Variants in FSTL5 observed in about 807,000 individuals in gnomAD.
The protein encoded by FSTL5 is follistatin-related protein 5.
Under a neutral mutation model 89.1 loss-of-function variants are expected in FSTL5, and 62 were observed. That is an observed-to-expected ratio of 0.70 (90% confidence interval 0.57 to 0.86). The LOEUF is 0.86. Among genes scored for constraint, FSTL5 ranks in the 40% least tolerant of loss-of-function variants. FSTL5 has a pLI of 0.00. For missense variants in FSTL5, 1,057 were observed against 1,001.6 expected (o/e 1.06, Z -0.75); for synonymous variants, 383 against 346.2 (o/e 1.11, Z -1.18).
intron 8 of FSTL5, among the ~76,000 whole-genome samples, chr4:161,556,940 T>A (rs979511729): frequency 6.6e-6 from 1 of 151,134 alleles, no homozygotes; most frequent in African/African-American, 2.4e-5. Context: ...ACAATTTTTA[T>A]ATAAACTGAT....
intron 1 of FSTL5, among the ~76,000 whole-genome samples, chr4:162,120,481 A>G (rs1333649756): frequency 6.6e-6 from 1 of 152,112 alleles, no homozygotes; most frequent in Non-Finnish European, 1.5e-5. Context: ...AACACAAGAG[A>G]ACAGAACTGA....
chr4:161,987,119 T>C (rs1295524361), intron 3 of FSTL5, among the ~76,000 whole-genome samples: 1 of 152,164 alleles, frequency 6.6e-6, no homozygotes, highest in Non-Finnish European at 1.5e-5. Context: ...ATCTAACCCT[T>C]TCTCGACATC....
intron 6 of FSTL5, among the ~76,000 whole-genome samples, chr4:161,671,565 A>G (rs1240972489): frequency 6.6e-6 from 1 of 152,164 alleles, no homozygotes; most frequent in Non-Finnish European, 1.5e-5. Flanking sequence ...AGTTTTAAAA[A>G]TATGATCTGT....
intron 4 of FSTL5, among the ~76,000 whole-genome samples, chr4:161,835,674 A>T (rs1731015246): frequency 6.6e-6 from 1 of 152,174 alleles, no homozygotes; most frequent in African/African-American, 2.4e-5. Flanking sequence ...AAAAGAAGAC[A>T]TTTATGCAGC....
At chr4:162,125,154 A>G (rs1329039838) in intron 1 of FSTL5, among the ~76,000 whole-genome samples, 1 of 152,192 alleles carries the variant, frequency 6.6e-6, no homozygotes, top group Non-Finnish European at 1.5e-5. Context: ...ACAGCTTTCT[A>G]TCAATTTTGG....
chr4:161,455,682 T>C (rs1448815476), intron 14 of FSTL5, among the ~76,000 whole-genome samples: 1 of 152,180 alleles, frequency 6.6e-6, no homozygotes, highest in Non-Finnish European at 1.5e-5. Context: ...TTTTTTAAAC[T>C]TTTATAGTCC....
chr4:161,394,262 T>C (rs1730925210), intron 15 of FSTL5, among the ~76,000 whole-genome samples: 1 of 152,158 alleles, frequency 6.6e-6, no homozygotes, highest in Non-Finnish European at 1.5e-5. Flanking sequence ...TAATTATAGG[T>C]AAAATACCCA....
chr4:161,718,366 A>G (rs1240477746), intron 6 of FSTL5, among the ~76,000 whole-genome samples: 5 of 152,156 alleles, frequency 3.3e-5, no homozygotes, highest in Non-Finnish European at 7.4e-5. Context: ...TATATTATTC[A>G]TTAAATTGTT....
At chr4:161,585,205 T>C (rs1355950163) in intron 8 of FSTL5, among the ~76,000 whole-genome samples, 1 of 152,142 alleles carries the variant, frequency 6.6e-6, no homozygotes, top group Non-Finnish European at 1.5e-5. Flanking sequence ...GTCTCCTTCA[T>C]GGGTTTCCCA....
intron 10 of FSTL5, 59 bp downstream of exon 10, chr4:161,538,107 G>C: frequency 6.5e-7 from 1 of 1,537,882 alleles, no homozygotes; most frequent in South Asian, 1.2e-5. Flanking sequence ...TTTAAAAAAA[G>C]CTGTAAAAAA....
intron 6 of FSTL5, among the ~76,000 whole-genome samples, chr4:161,682,257 T>C (rs912323745): frequency 2.6e-5 from 4 of 152,188 alleles, no homozygotes; most frequent in Admixed American, 1.3e-4. Flanking sequence ...CATTCCTGTA[T>C]GCTACCATAG....
At chr4:162,143,128 T>C (rs1732813087) in intron 1 of FSTL5, among the ~76,000 whole-genome samples, 1 of 152,046 alleles carries the variant, frequency 6.6e-6, no homozygotes, top group Non-Finnish European at 1.5e-5. Flanking sequence ...TATCTGATTA[T>C]AGGTAACATT....
chr4:161,642,462 A>G (rs901079452), intron 7 of FSTL5, among the ~76,000 whole-genome samples: 9 of 152,222 alleles, frequency 5.9e-5, no homozygotes, highest in African/African-American at 1.4e-4. Context: ...CTTTAGAAAG[A>G]CACAAATACA....
Position 162,050,141 on chromosome 4 carries a change from A to C in FSTL5, c.127-16483T>G, listed in dbSNP as rs1176676616. Among the ~76,000 whole-genome samples the C allele has an allele frequency of 2.6e-5, 4 of 152,038 alleles. No individual in the cohort carries two copies. In the South Asian group the frequency reaches 6.2e-4, roughly 24 times the overall value. The stretch of plus-strand genomic sequence containing the variant: ...AGAAAAGAGTTAAATAAGTTGTAAA[A>C]TAAATTTTCCGCAAGTGAATACACA... On this transcript the variant is annotated intron_variant, in intron 2 of 15. Coordinates refer to ENST00000306100, the MANE Select transcript of FSTL5 (RefSeq NM_020116.5).
intron 8 of FSTL5, 119 bp downstream of exon 8, chr4:161,587,336 G>T (rs1325165756): frequency 5.1e-6 from 4 of 786,204 alleles, no homozygotes; most frequent in Non-Finnish European, 8.2e-6. Flanking sequence ...ATTATCAGTT[G>T]AGTCTCAAAA....
At chr4:162,143,645 T>A (rs1732837690) in intron 1 of FSTL5, among the ~76,000 whole-genome samples, 1 of 151,896 alleles carries the variant, frequency 6.6e-6, no homozygotes, top group Non-Finnish European at 1.5e-5. Flanking sequence ...CTTTAAATCA[T>A]TACAAACTAT....
intron 4 of FSTL5, among the ~76,000 whole-genome samples, chr4:161,862,905 T>C (rs1399824366): frequency 6.6e-6 from 1 of 152,158 alleles, no homozygotes; most frequent in Non-Finnish European, 1.5e-5. Context: ...AAAATATATG[T>C]ATTGCTAGTT....
intron 12 of FSTL5, among the ~76,000 whole-genome samples, chr4:161,487,261 A>C (rs893551347): frequency 2.0e-5 from 3 of 152,200 alleles, no homozygotes; most frequent in South Asian, 4.1e-4. Flanking sequence ...AAGAAAAAAT[A>C]GTCAAGAAGT....
intron 15 of FSTL5, among the ~76,000 whole-genome samples, chr4:161,427,696 T>C (rs558994815): frequency 1.3e-5 from 2 of 152,260 alleles, no homozygotes; most frequent in South Asian, 4.1e-4. Flanking sequence ...GGACTCAGAA[T>C]AAAACACACA....
Sources: gnomAD v4.1 joint callset for allele counts (sites outside exome capture counted in the v4.1 genomes callset) on GRCh38, gnomAD v4.1.1 for gene constraint, MANE v1.5 for transcripts, NCBI Gene and HGNC (gene_info 2026-07-23, HGNC 2026-07-21) for gene names.